The following KCNH5 variants were observed in gnomAD, a reference collection of about 807,000 sequenced individuals.
KCNH5 encodes potassium voltage-gated channel subfamily H member 5, also known as voltage-gated delayed rectifier potassium channel KCNH5.
KCNH5 carries 46 observed loss-of-function variants against 96.1 expected under a neutral mutation model. The ratio of observed to expected loss-of-function variants is 0.48; its 90% confidence interval spans 0.38 to 0.61. KCNH5 has a LOEUF of 0.61. Ranked by LOEUF, KCNH5 falls within the 20% of genes least tolerant of loss-of-function variation. The pLI, the probability that KCNH5 is intolerant of heterozygous loss-of-function variation, is 0.00. For synonymous variants in KCNH5, 439 were observed against 449.8 expected (o/e 0.98, Z 0.30); for missense variants, 907 against 1,225.8 (o/e 0.74, Z 3.88).
At chr14:62,854,016 AAACAAAAAAAAC>A (rs1213602816) in intron 7 of KCNH5, among the ~76,000 whole-genome samples, 17 of 119,502 alleles carry the variant, frequency 1.4e-4, no homozygotes, top group Admixed American at 1.2e-3. Flanking sequence ...AAAAAAAAAA[AAACAAAAAAAAC>A]AAAAAAAACA....
At chr14:62,878,632 C>T (rs1888431865) in intron 7 of KCNH5, among the ~76,000 whole-genome samples, 1 of 152,104 alleles carries the variant, frequency 6.6e-6, no homozygotes, top group South Asian at 2.1e-4. Flanking sequence ...AACCAGCAAT[C>T]TAATTTAAAA....
intron 1 of KCNH5, among the ~76,000 whole-genome samples, chr14:63,042,752 G>A (rs749613746): frequency 2.0e-5 from 3 of 151,986 alleles, no homozygotes; most frequent in South Asian, 2.1e-4. Context: ...TGACAACTGC[G>A]GGATATTCCC....
chr14:62,834,299 T>C (rs185928704), intron 8 of KCNH5, among the ~76,000 whole-genome samples: 4 of 152,156 alleles, frequency 2.6e-5, no homozygotes, highest in African/African-American at 9.6e-5. Context: ...GCCTTATTAA[T>C]GGCTCCAAAT....
chr14:62,888,457 A>T (rs1164384501), intron 7 of KCNH5, among the ~76,000 whole-genome samples: 1 of 152,212 alleles, frequency 6.6e-6, no homozygotes, highest in African/African-American at 2.4e-5. Flanking sequence ...TTTGTGAGAA[A>T]TTTGAATTAC....
chr14:62,804,518 C>A lies in KCNH5; in HGVS notation c.1570-1937G>T, dbSNP rs183206618. Reference sequence around the variant, plus strand: ...CTAACCAGAAAGTGTGGGAGGTGGGCGTGTAAAGGGACAATTGCAATACAA... The same window carrying A: ...CTAACCAGAAAGTGTGGGAGGTGGGAGTGTAAAGGGACAATTGCAATACAA... On this transcript the variant is annotated intron_variant, in intron 8 of 10. Coordinates refer to ENST00000322893, the MANE Select transcript of KCNH5 (RefSeq NM_139318.5). Among the ~76,000 whole-genome samples, 427 of 151,908 alleles carry A rather than the reference C, an allele frequency of 2.8e-3. 1 individual carries two copies. The highest frequency in any genetic ancestry group is 9.7e-3 in the African/African-American group (401 of 41,434).
chr14:62,835,748 A>G (rs569692981), intron 8 of KCNH5, among the ~76,000 whole-genome samples: 10 of 152,110 alleles, frequency 6.6e-5, no homozygotes, highest in Middle Eastern at 6.8e-3. Flanking sequence ...CCTATAAAAT[A>G]CCTTAAAAAA....
At chr14:62,754,565 A>C (rs1339676576) in intron 10 of KCNH5, among the ~76,000 whole-genome samples, 1 of 152,096 alleles carries the variant, frequency 6.6e-6, no homozygotes, top group Non-Finnish European at 1.5e-5. Flanking sequence ...ATGGTATTTC[A>C]TACAAATGGA....
intron 10 of KCNH5, among the ~76,000 whole-genome samples, chr14:62,750,325 T>C (rs1885470726): frequency 6.6e-6 from 1 of 152,224 alleles, no homozygotes; most frequent in South Asian, 2.1e-4. Flanking sequence ...ATGCAACTAC[T>C]TAACTGTTTT....
chr14:62,942,229 G>A (rs1036927965), intron 7 of KCNH5, among the ~76,000 whole-genome samples: 2 of 152,014 alleles, frequency 1.3e-5, no homozygotes, highest in African/African-American at 4.8e-5. Flanking sequence ...TAGAACCTTA[G>A]AAGTATAGAA....
chr14:62,945,616 G>A (rs140179627), intron 7 of KCNH5, among the ~76,000 whole-genome samples: 5 of 152,132 alleles, frequency 3.3e-5, no homozygotes, highest in African/African-American at 4.8e-5. Flanking sequence ...GGTTCGGATC[G>A]TGGTAGGGAC....
intron 8 of KCNH5, among the ~76,000 whole-genome samples, chr14:62,811,765 C>G (rs1886877731): frequency 6.6e-6 from 1 of 151,898 alleles, no homozygotes; most frequent in African/African-American, 2.4e-5. Flanking sequence ...TAGAAATAAG[C>G]AGAATTATGC....
intron 8 of KCNH5, among the ~76,000 whole-genome samples, chr14:62,806,888 C>T (rs996044385): frequency 2.0e-5 from 3 of 152,072 alleles, no homozygotes; most frequent in African/African-American, 7.2e-5. Flanking sequence ...TTGCTGATGG[C>T]TGTGGGTGAC....
intron 10 of KCNH5, among the ~76,000 whole-genome samples, chr14:62,745,384 A>G (rs953460575): frequency 1.3e-5 from 2 of 152,192 alleles, no homozygotes; most frequent in Admixed American, 1.3e-4. Flanking sequence ...CCTTAAACTA[A>G]ATCAGTATTA....
At chr14:62,737,924 C>T (rs982132736) in intron 10 of KCNH5, among the ~76,000 whole-genome samples, 1 of 152,122 alleles carries the variant, frequency 6.6e-6, no homozygotes, top group Non-Finnish European at 1.5e-5. Flanking sequence ...CCCAAAACTG[C>T]AGACAGTCTG....
At chr14:62,998,796 T>C (rs1890957341) in intron 4 of KCNH5, among the ~76,000 whole-genome samples, 1 of 152,218 alleles carries the variant, frequency 6.6e-6, no homozygotes, top group African/African-American at 2.4e-5. Context: ...AATTCCACTT[T>C]GGTCTGATAA....
In KCNH5 at chr14:62,701,204, G is replaced by A. The variant is rs1884343136; in HGVS notation, c.*6304C>T. ...CCAGAGGTTCTAAACTCATTGGTTG[G>A]TGGGAGAACACTTATTTCTAAAGAA... On this transcript the variant is annotated 3_prime_UTR_variant, in exon 11 of 11. Transcript: ENST00000322893. The A allele has an allele frequency of 6.6e-6, 1 of 152,122 alleles. No individual in the cohort carries two copies. Among genetic ancestry groups the A allele is most frequent in the Non-Finnish European group, 1.5e-5 (1 of 67,994 alleles). 9.4% of individuals were successfully genotyped at this position (152,122 alleles called of 1,614,324 possible). A position where few individuals can be genotyped will look rare whatever the true frequency, so the allele number is the denominator to read the frequency against.
At chr14:62,925,755 T>C (rs1889464005) in intron 7 of KCNH5, among the ~76,000 whole-genome samples, 2 of 152,076 alleles carry the variant, frequency 1.3e-5, no homozygotes, top group South Asian at 4.1e-4. Context: ...TCAAGCCTTG[T>C]AGACATAATT....
intron 5 of KCNH5, among the ~76,000 whole-genome samples, chr14:62,983,377 C>CAAA (rs531608089): frequency 1.0e-5 from 1 of 99,300 alleles, no homozygotes. Context: ...GACTCAGTCT[C>CAAA]AAAAAAAAAA....
At chr14:63,012,429 A>G (rs1594674711) in intron 2 of KCNH5, among the ~76,000 whole-genome samples, 2 of 152,298 alleles carry the variant, frequency 1.3e-5, no homozygotes, top group East Asian at 3.9e-4. Context: ...ACATAGCAAA[A>G]ATGTAGGAAA....
Sources: allele counts gnomAD v4.1 joint callset (sites outside exome capture counted in the v4.1 genomes callset), GRCh38; gene constraint gnomAD v4.1.1; transcripts MANE v1.5; gene names NCBI Gene and HGNC (gene_info 2026-07-23, HGNC 2026-07-21).